RUFY3: variants seen among roughly 807,000 people sequenced by gnomAD.
The protein encoded by RUFY3 is protein RUFY3.
Under a neutral mutation model 84.0 loss-of-function variants are expected in RUFY3, and 34 were observed. The ratio of observed to expected loss-of-function variants is 0.40; its 90% CI spans 0.31 to 0.54. The LOEUF (loss-of-function observed/expected upper bound fraction) is 0.54, where lower values mean the gene tolerates loss of function less well. Among genes scored for constraint, RUFY3 ranks in the 20% least tolerant of loss-of-function variants. The pLI, the probability that RUFY3 is intolerant of heterozygous loss-of-function variation, is 0.39. For missense variants in RUFY3, 507 were observed against 736.8 expected (o/e 0.69, Z 3.61); for synonymous variants, 242 against 252.9 (o/e 0.96, Z 0.41).
At chr4:70,781,932 CTTCT>C (rs1348683192) in intron 8 of RUFY3, among the ~76,000 whole-genome samples, 2 of 152,154 alleles carry the variant, frequency 1.3e-5, no homozygotes, top group Non-Finnish European at 2.9e-5. Context: ...TTACTTTTTC[CTTCT>C]AAGAAAGAGA....
rs375166041 is a variant in RUFY3 at position 70,791,319 on chromosome 4, C to T, written c.1337+1727C>T. The T allele has an allele frequency of 3.5e-5, 57 of 1,611,886 alleles. 1 individual carries two copies. The highest frequency in any genetic ancestry group is 4.5e-5 in the Non-Finnish European group (53 of 1,179,030). On this transcript the variant is annotated intron_variant, in intron 12 of 17. Transcript: ENST00000381006. ...TTAGGCATTTTTAAGTTGGTCACGT[C>T]GCAAGTCCGATATCACAACTTAATT...
At chr4:70,743,543 A>G (rs982460132) in intron 1 of RUFY3, among the ~76,000 whole-genome samples, 1 of 152,200 alleles carries the variant, frequency 6.6e-6, no homozygotes, top group African/African-American at 2.4e-5. Context: ...AGTATTAATA[A>G]TGCAAGAGTC....
At chr4:70,801,163 CAA>C (rs561597683) in intron 15 of RUFY3, among the ~76,000 whole-genome samples, 3,828 of 64,158 alleles carry the variant, frequency 0.06, 59 homozygotes, top group Middle Eastern at 0.14. Flanking sequence ...ACTATGGAGA[CAA>C]AAAAAAAAAA....
At chr4:70,720,120 C>T (rs1295607331), upstream of RUFY3, among the ~76,000 whole-genome samples, 1 of 151,802 alleles carries the variant, frequency 6.6e-6, no homozygotes, top group Non-Finnish European at 1.5e-5. Flanking sequence ...GGTATGATCT[C>T]GGCTCACTGC....
intron 1 of RUFY3, among the ~76,000 whole-genome samples, chr4:70,737,748 C>T (rs1272522175): frequency 6.7e-6 from 1 of 149,730 alleles, no homozygotes; most frequent in Non-Finnish European, 1.5e-5. Context: ...ACCATCTCAG[C>T]TCACTGCAAT....
chr4:70,791,391 A>G (rs1730794513), intron 12 of RUFY3: 12 of 1,507,976 alleles, frequency 8.0e-6, no homozygotes, highest in Non-Finnish European at 1.1e-5. Context: ...CTCTGATTCT[A>G]TATAAAATGT....
chr4:70,794,892 A>G lies in RUFY3; in HGVS notation c.1555A>G (p.Met519Val). Residue 519 changes from methionine to valine, a missense_variant and splice_region_variant, in exon 14 of 18, where the codon ATG becomes GTG. By Grantham distance (21) the Met-to-Val change is conservative (BLOSUM62 1). This residue lies in a region of RUFY3 where 334 missense variants were observed against 364.1 expected (regional missense o/e 0.92). Coordinates refer to ENST00000381006, the MANE Select transcript of RUFY3 (RefSeq NM_001037442.4). The part of the protein sequence containing the change: ...GRGSQKSESK[M>V]DGKHKMQEEN... ...GGGTTCCCAGAAGTCAGAATCCAAG[A>G]TGGTAATATTTGCTATTCCCTTGTT... is the stretch of plus-strand genomic sequence containing the variant. The G allele has an allele frequency of 6.3e-7, 1 of 1,581,664 alleles. No homozygotes were observed. Among genetic ancestry groups the G allele is most frequent in the Non-Finnish European group, 8.7e-7 (1 of 1,152,598 alleles).
At chr4:70,717,585 GTGTGTGTGTGTT>G (rs1285669840), upstream of RUFY3, among the ~76,000 whole-genome samples, 2 of 148,406 alleles carry the variant, frequency 1.3e-5, no homozygotes, top group African/African-American at 2.6e-5. Flanking sequence ...CTTTGCGTGT[GTGTGTGTGTGTT>G]TGTGTGTGTG....
In RUFY3 at chr4:70,760,553, T is replaced by TG. The variant is rs772892980; in HGVS notation, c.179-1966_179-1965insG. Reference sequence around the variant, plus strand: ...CATATTCATACCCACACCCCAGCTCTATTTTTTTTTTTTGAGTAATTATAG... The same window carrying TG: ...CATATTCATACCCACACCCCAGCTCTGATTTTTTTTTTTTGAGTAATTATAG... On this transcript the variant is annotated intron_variant, in intron 1 of 17. Transcript: ENST00000381006. 7.0e-3 allele frequency among the ~76,000 whole-genome samples: 1,047 copies of TG among 149,824 alleles called. 18 individuals carry two copies. The highest frequency in any genetic ancestry group is 0.034 in the Admixed American group (513 of 15,118).
At chr4:70,753,170 T>C (rs1046744480) in intron 1 of RUFY3, among the ~76,000 whole-genome samples, 7 of 152,238 alleles carry the variant, frequency 4.6e-5, no homozygotes, top group Admixed American at 3.9e-4. Flanking sequence ...GATTATCTAA[T>C]ATGTTGACAT....
At chr4:70,789,105 C>T in intron 11 of RUFY3, 132 bp downstream of exon 11, 1 of 1,419,086 alleles carries the variant, frequency 7.0e-7, no homozygotes, top group Non-Finnish European at 9.2e-7. Flanking sequence ...TGCTAGCTGC[C>T]AGTAAACTAC....
At chr4:70,715,913 A>G (rs930630134) in intron 1 of RUFY3, among the ~76,000 whole-genome samples, 1 of 152,138 alleles carries the variant, frequency 6.6e-6, no homozygotes, top group Non-Finnish European at 1.5e-5. Context: ...GGAGATCAAG[A>G]CCATCCTGGC....
chr4:70,774,009 C>T (rs1245479566), intron 6 of RUFY3, among the ~76,000 whole-genome samples: 1 of 152,122 alleles, frequency 6.6e-6, no homozygotes, highest in Non-Finnish European at 1.5e-5. Flanking sequence ...TGCGTTTATA[C>T]CTCTTCTTGT....
At chr4:70,729,637 G>C (rs1718888024) in intron 1 of RUFY3, among the ~76,000 whole-genome samples, 1 of 152,176 alleles carries the variant, frequency 6.6e-6, no homozygotes, top group Admixed American at 6.5e-5. Context: ...TTAATGTAAA[G>C]CACCCTATAA....
intron 4 of RUFY3, 40 bp downstream of exon 4, chr4:70,764,616 G>A: frequency 8.5e-7 from 1 of 1,182,788 alleles, no homozygotes. Context: ...TCCTTGGTAT[G>A]TTCTACATCG....
intron 4 of RUFY3, 31 bp from the exon 5 acceptor site, chr4:70,768,507 C>G (rs142016934): frequency 8.1e-6 from 13 of 1,602,826 alleles, no homozygotes; most frequent in East Asian, 2.2e-5. Flanking sequence ...ATTTTTGTTA[C>G]AATAAGGAAT....
rs771044315 is a variant in RUFY3, at chr4:70,783,195, T to C, written c.987+12T>C. 6.6e-7 allele frequency: 1 copy of C among 1,507,878 alleles called. No homozygotes were observed. Among genetic ancestry groups the C allele is most frequent in the South Asian group, 1.1e-5 (1 of 87,680 alleles). The allele number at this position is 1,507,878 out of a possible 1,614,324, so 93.4% of individuals were successfully genotyped here. ...AATCCAATCGGAAGGTTAATCTTAC[T>C]GGATTTATAAAATATTCACTGAGAG... On this transcript the variant is annotated intron_variant, in intron 9 of 17. Coordinates refer to ENST00000381006, the MANE Select transcript of RUFY3 (RefSeq NM_001037442.4).
At chr4:70,723,669 A>G (rs976364511) in intron 1 of RUFY3, among the ~76,000 whole-genome samples, 3 of 152,166 alleles carry the variant, frequency 2.0e-5, no homozygotes, top group African/African-American at 7.2e-5. Context: ...GCTAAGGTTT[A>G]TTCTCTGTCC....
intron 8 of RUFY3, among the ~76,000 whole-genome samples, chr4:70,782,272 G>A (rs1729047519): frequency 1.3e-5 from 2 of 150,770 alleles, no homozygotes; most frequent in African/African-American, 4.9e-5. Flanking sequence ...AAAAGTAGCA[G>A]TAAGGTGATA....
Sources: allele counts gnomAD v4.1 joint callset (sites outside exome capture counted in the v4.1 genomes callset), GRCh38; gene constraint gnomAD v4.1.1; regional missense constraint gnomAD v4.1.1; transcripts MANE v1.5; gene names NCBI Gene and HGNC (gene_info 2026-07-23, HGNC 2026-07-21).